FEZ2: variants seen among roughly 807,000 people sequenced by gnomAD.
The protein encoded by FEZ2 is fasciculation and elongation protein zeta-2.
In FEZ2, 51 loss-of-function variants were observed where a neutral mutation model predicts 40.4. That is an observed-to-expected ratio of 1.26 (90% CI 1.01 to 1.59). The LOEUF is 1.59. Among genes scored for constraint, FEZ2 ranks in the 40% most tolerant of loss-of-function variants. FEZ2 has a pLI of 0.00. For missense variants in FEZ2, 640 were observed against 438.3 expected (o/e 1.46, Z -4.11); for synonymous variants, 242 against 172.0 (o/e 1.41, Z -3.18).
At chr2:36,596,317 CTGTT>C (rs772645726) in intron 1 of FEZ2, among the ~76,000 whole-genome samples, 11 of 152,204 alleles carry the variant, frequency 7.2e-5, no homozygotes, top group East Asian at 3.9e-4. Flanking sequence ...CCTGATAAAT[CTGTT>C]TGTTTCACAA....
chr2:36,581,260 G>C (rs1668734150), intron 4 of FEZ2, 30 bp downstream of exon 4: 2 of 1,603,472 alleles, frequency 1.2e-6, no homozygotes, highest in East Asian at 2.2e-5. Flanking sequence ...AAAAAGCACA[G>C]AAATCATTGA....
chr2:36,569,550 A>T (rs1054558005), intron 5 of FEZ2, among the ~76,000 whole-genome samples: 1 of 152,246 alleles, frequency 6.6e-6, no homozygotes, highest in Non-Finnish European at 1.5e-5. Context: ...GCTAGAGAAC[A>T]CTATGCTACA....
At chr2:36,577,138 T>G (rs1412256059) in intron 5 of FEZ2, among the ~76,000 whole-genome samples, 1 of 152,258 alleles carries the variant, frequency 6.6e-6, no homozygotes, top group Non-Finnish European at 1.5e-5. Flanking sequence ...GGGTTGGTTT[T>G]GGGTTTTTTT....
intron 5 of FEZ2, among the ~76,000 whole-genome samples, chr2:36,575,589 T>G (rs1668545281): frequency 6.6e-6 from 1 of 152,228 alleles, no homozygotes; most frequent in Non-Finnish European, 1.5e-5. Context: ...ATGGTTATTT[T>G]AAACCTAAAA....
chr2:36,566,877 G>C (rs1034828655), intron 5 of FEZ2, among the ~76,000 whole-genome samples: 1 of 152,052 alleles, frequency 6.6e-6, no homozygotes, highest in Non-Finnish European at 1.5e-5. Context: ...TAAATCCTAC[G>C]AGTCTATGGA....
chr2:36,553,394 C>T (rs1204976817), intron 7 of FEZ2, among the ~76,000 whole-genome samples: 1 of 152,112 alleles, frequency 6.6e-6, no homozygotes. Flanking sequence ...AAATGAGATA[C>T]CAAAAGGCCA....
intron 2 of FEZ2, 91 bp from the exon 3 acceptor site, chr2:36,583,560 AACT>A (rs1428900914): frequency 2.8e-6 from 2 of 711,598 alleles, no homozygotes; most frequent in Non-Finnish European, 5.1e-6. Context: ...AGAGAAAAGC[AACT>A]ACTAAGAGCC....
intron 7 of FEZ2, 52 bp downstream of exon 7, chr2:36,555,631 C>G (rs1667938896): frequency 1.0e-6 from 1 of 966,214 alleles, no homozygotes; most frequent in Non-Finnish European, 1.6e-6. Flanking sequence ...GATGTATTTA[C>G]TGACTAATCC....
intron 2 of FEZ2, among the ~76,000 whole-genome samples, chr2:36,588,468 GAAC>G (rs1182357213): frequency 6.6e-6 from 1 of 152,124 alleles, no homozygotes; most frequent in Non-Finnish European, 1.5e-5. Flanking sequence ...TGCAATCTAA[GAAC>G]AATACAAGAC....
rs901907799 is a variant in FEZ2 at position 36,587,974 on chromosome 2, T to C, written c.375+2929A>G. Reference sequence around the variant, plus strand: ...TAGTCATGTCACAACAGAGAGATGATAGGTGAATGATCACGTGTTCACTTT... The same window carrying C: ...TAGTCATGTCACAACAGAGAGATGACAGGTGAATGATCACGTGTTCACTTT... On this transcript the variant is annotated intron_variant, in intron 2 of 7. Coordinates refer to ENST00000405912, the MANE Select transcript of FEZ2 (RefSeq NM_005102.3). Among the ~76,000 whole-genome samples the C allele has an allele frequency of 6.6e-5, 10 of 152,302 alleles. 1 individual carries two copies. In the South Asian group the frequency reaches 1.5e-3, roughly 22 times the overall value.
Position 36,553,132 on chromosome 2 carries a change from C to T in FEZ2, c.*31G>A, listed in dbSNP as rs375535828. ...CAGAATAATGCTGTCGGAAATCTAG[C>T]TTGGAGCCCACCGCAGATAAAGTTG... On this transcript the variant is annotated 3_prime_UTR_variant, in exon 8 of 8. Coordinates refer to ENST00000405912, the MANE Select transcript of FEZ2 (RefSeq NM_005102.3). 4.7e-5 allele frequency: 73 copies of T among 1,558,120 alleles called. No individual in the cohort carries two copies. The highest frequency in any genetic ancestry group is 3.1e-5 in the Non-Finnish European group (36 of 1,147,700).
intron 4 of FEZ2, among the ~76,000 whole-genome samples, chr2:36,580,902 G>A (rs570427050): frequency 2.9e-4 from 44 of 152,072 alleles, no homozygotes; most frequent in African/African-American, 1.0e-3. Flanking sequence ...GCCTGTAACT[G>A]CAGCACTTTG....
chr2:36,569,085 G>A (rs974262307), intron 5 of FEZ2, among the ~76,000 whole-genome samples: 1 of 152,098 alleles, frequency 6.6e-6, no homozygotes, highest in African/African-American at 2.4e-5. Context: ...TGTGAGCTAA[G>A]GTCCCTGTTA....
intron 2 of FEZ2, chr2:36,589,573 AG>A (rs1669006137): frequency 1.3e-5 from 2 of 152,364 alleles, no homozygotes; most frequent in South Asian, 4.1e-4. Flanking sequence ...ACTTGAACTA[AG>A]CCCAAAATGA....
rs113182836 is a variant in FEZ2 at position 36,597,869 on chromosome 2, G to A, written c.266+8C>T. The A allele has an allele frequency of 1.5e-6, 2 of 1,355,266 alleles. No individual in the cohort carries two copies. The highest frequency in any genetic ancestry group is 3.4e-5 in the South Asian group (2 of 58,378). 84.0% of individuals were successfully genotyped at this position (1,355,266 alleles called of 1,614,324 possible). A position where few individuals can be genotyped will look rare whatever the true frequency, so the allele number is the denominator to read the frequency against. ...CCCGCCCACTCCCGGCCGGGGCCCC[G>A]CACTCACTCGTCCCCCTGCAGGAGG... On this transcript the variant is annotated splice_region_variant and intron_variant, in intron 1 of 7. Coordinates refer to ENST00000405912, the MANE Select transcript of FEZ2 (RefSeq NM_005102.3).
At chr2:36,594,187 A>T (rs1335417114) in intron 1 of FEZ2, among the ~76,000 whole-genome samples, 2 of 152,040 alleles carry the variant, frequency 1.3e-5, no homozygotes, top group African/African-American at 4.8e-5. Flanking sequence ...CCATTCAACA[A>T]GTCTCTAGGA....
chr2:36,569,933 C>T (rs1330884771), intron 5 of FEZ2, among the ~76,000 whole-genome samples: 2 of 152,152 alleles, frequency 1.3e-5, no homozygotes, highest in African/African-American at 2.4e-5. Context: ...ATTCTTTATA[C>T]TCAGGAGGTT....
chr2:36,574,285 G>A (rs1049969307), intron 5 of FEZ2, among the ~76,000 whole-genome samples: 1 of 152,088 alleles, frequency 6.6e-6, no homozygotes, highest in Non-Finnish European at 1.5e-5. Context: ...TATTGTCTTA[G>A]ACAATATTCA....
In FEZ2 at chr2:36,590,915, G is replaced by C. The variant is rs1402972442; in HGVS notation, c.363C>G (p.Leu121=). 1.9e-6 allele frequency: 3 copies of C among 1,594,658 alleles called. No homozygotes were observed. Among genetic ancestry groups the C allele is most frequent in the East Asian group, 4.5e-5 (2 of 44,806 alleles). Residue 121 remains leucine (L), a synonymous_variant, in exon 2 of 8, where the codon CTC becomes CTG. Transcript: ENST00000405912. ...ATTCCTAACTTACCCCTTTTTCTGA[G>C]AGGTTCAGAGTAAGCAAGTGCAAGG... The part of the protein sequence containing the change: ...TRTLHLLTLN[L]SEKGVSDSLL...
Sources: allele counts gnomAD v4.1 joint callset (sites outside exome capture counted in the v4.1 genomes callset), GRCh38; gene constraint gnomAD v4.1.1; transcripts MANE v1.5; gene names NCBI Gene and HGNC (gene_info 2026-07-23, HGNC 2026-07-21).